Variants in AKR1C1 observed in about 807,000 individuals in gnomAD.
AKR1C1 encodes the protein aldo-keto reductase family 1 member C1.
In AKR1C1, 32 loss-of-function variants were observed where a neutral mutation model predicts 40.6. That is an observed-to-expected ratio of 0.79 (90% CI 0.60 to 1.06). The LOEUF is 1.06. Among genes scored for constraint, AKR1C1 ranks in the 50% least tolerant of loss-of-function variants. The pLI is 0.00. For synonymous variants in AKR1C1, 105 were observed against 134.2 expected (o/e 0.78, Z 1.50); for missense variants, 320 against 363.5 (o/e 0.88, Z 0.97).
chr10:4,975,548 G>C (rs1554770382), intron 7 of AKR1C1, among the ~76,000 whole-genome samples: 2 of 152,042 alleles, frequency 1.3e-5, no homozygotes, highest in African/African-American at 4.8e-5. Context: ...GGGTCTTCTA[G>C]GTACATGACC....
chr10:4,977,613 A>G (rs1836545949), intron 8 of AKR1C1, 87 bp from the exon 9 acceptor site: 1 of 1,532,216 alleles, frequency 6.5e-7, no homozygotes, highest in Admixed American at 1.8e-5. Context: ...CATCTACACT[A>G]GCGGCAGCTT....
At position 4,966,017 on chromosome 10, in the gene AKR1C1, T is replaced by C; in HGVS notation, c.188T>C (p.Leu63Pro). The change falls in exon 2 of 9, where the codon CTG becomes CCG. Residue 63 changes from leucine to proline, a missense_variant. By Grantham distance (98) the Leu-to-Pro change is moderately conservative (BLOSUM62 -3). This residue lies in a region of AKR1C1 where 214 missense variants were observed against 214.8 expected (regional missense o/e 1.00). Coordinates refer to ENST00000380872, the MANE Select transcript of AKR1C1 (RefSeq NM_001353.6). ...TACAATAATGAGGAGCAGGTTGGACTGGCCATCCGAAGCAAGATTGCAGAT... is the reference window on the plus strand; with the variant it reads ...TACAATAATGAGGAGCAGGTTGGACCGGCCATCCGAAGCAAGATTGCAGAT... ...HLYNNEEQVG[L>P]AIRSKIADGS... 1 of 1,614,238 alleles carries C rather than the reference T, an allele frequency of 6.2e-7. No homozygotes were observed. Among genetic ancestry groups the C allele is most frequent in the Non-Finnish European group, 8.5e-7 (1 of 1,180,028 alleles).
At chr10:4,977,364 A>C (rs1474318623) in intron 8 of AKR1C1, among the ~76,000 whole-genome samples, 1 of 152,240 alleles carries the variant, frequency 6.6e-6, no homozygotes, top group African/African-American at 2.4e-5. Context: ...AATGTAAGGC[A>C]GTATAGTTCC....
chr10:4,979,069 A>T lies in AKR1C1; in HGVS notation c.*1327A>T, dbSNP rs1836573185. On this transcript the variant is annotated 3_prime_UTR_variant, in exon 9 of 9. Transcript: ENST00000380872. ...CTCCACTATTCGTACTCTGGTAGCC[A>T]TGTTAACCCCATCAGAGATTCCTTC... 6.6e-6 allele frequency: 1 copy of T among 152,200 alleles called. No homozygotes were observed. Among genetic ancestry groups the T allele is most frequent in the South Asian group, 2.1e-4 (1 of 4,834 alleles). The allele number at this position is 152,200 out of a possible 1,614,324, so 9.4% of individuals were successfully genotyped here.
chr10:4,976,661 T>C (rs1160305772), intron 8 of AKR1C1, among the ~76,000 whole-genome samples: 1 of 152,216 alleles, frequency 6.6e-6, no homozygotes, highest in Non-Finnish European at 1.5e-5. Context: ...AACAGAAGTT[T>C]ACTATTCCTC....
rs559290800 is a variant in AKR1C1, at chr10:4,972,572, C to T, written c.681-12C>T. The T allele has an allele frequency of 5.6e-6, 9 of 1,613,568 alleles. No individual in the cohort carries two copies. In the East Asian group the frequency reaches 1.6e-4, roughly 28 times the overall value. On this transcript the variant is annotated splice_polypyrimidine_tract_variant and intron_variant, in intron 6 of 8. Transcript: ENST00000380872. ...AGCCTCAGGGCCTCAGCCTTTCTGC[C>T]TTTCCTTCCAGGGTGGACCCGAACT...
At chr10:4,965,819 G>A (rs778983887) in intron 1 of AKR1C1, 95 bp from the exon 2 acceptor site, 26 of 1,439,910 alleles carry the variant, frequency 1.8e-5, no homozygotes, top group Non-Finnish European at 2.4e-5. Flanking sequence ...TCCAAGAAAG[G>A]AGGAAAAGCT....
chr10:4,968,132 T>G (rs900147605), intron 3 of AKR1C1, 177 bp from the exon 4 acceptor site: 1 of 1,090,412 alleles, frequency 9.2e-7, no homozygotes, highest in Non-Finnish European at 1.3e-6. Context: ...AGAGGGAGCC[T>G]GTCACCTGAA....
chr10:4,966,685 CA>C (rs1218923365), intron 2 of AKR1C1, among the ~76,000 whole-genome samples: 1 of 152,184 alleles, frequency 6.6e-6, no homozygotes, highest in South Asian at 2.1e-4. Flanking sequence ...GATTTGATAA[CA>C]ACTTTTACCT....
chr10:4,977,367 A>G (rs1379241709), intron 8 of AKR1C1, among the ~76,000 whole-genome samples: 1 of 152,258 alleles, frequency 6.6e-6, no homozygotes, highest in African/African-American at 2.4e-5. Flanking sequence ...GTAAGGCAGT[A>G]TAGTTCCATT....
At chr10:4,970,316 CT>C (rs1398839910) in intron 5 of AKR1C1, among the ~76,000 whole-genome samples, 3 of 152,112 alleles carry the variant, frequency 2.0e-5, no homozygotes, top group African/African-American at 7.2e-5. Context: ...TGTAGCTCTT[CT>C]TTTTTTAACC....
Position 4,965,961 on chromosome 10 carries a change from T to C in AKR1C1, c.132T>C (p.Ala44=), listed in dbSNP as rs1138573. The C allele has an allele frequency of 2.5e-6, 4 of 1,614,204 alleles. No homozygotes were observed. The East Asian group carries it at 6.7e-5, about 27-fold the overall frequency. Residue 44 remains alanine, a synonymous_variant, in exon 2 of 9, where the codon GCT becomes GCC. Coordinates refer to ENST00000380872, the MANE Select transcript of AKR1C1 (RefSeq NM_001353.6). Reference sequence around the variant, plus strand: ...AGGCCACCAAATTGGCAATTGAAGCTGGCTTCCGCCATATTGATTCTGCTC... The same window carrying C: ...AGGCCACCAAATTGGCAATTGAAGCCGGCTTCCGCCATATTGATTCTGCTC... ...ALEATKLAIE[A]GFRHIDSAHL...
rs112698330 is a variant in AKR1C1 at position 4,979,204 on chromosome 10, G to A, written c.*1462G>A. 25 of 152,226 alleles carry A rather than the reference G, an allele frequency of 1.6e-4. No homozygotes were observed. The highest frequency in any genetic ancestry group is 5.8e-4 in the African/African-American group (24 of 41,532). The allele number at this position is 152,226 out of a possible 1,614,324, so 9.4% of individuals were successfully genotyped here. A position where few individuals can be genotyped will look rare whatever the true frequency, so the allele number is the denominator to read the frequency against. ...TGGAGTAGGCCATAAACTTTGGAGG[G>A]CCCTAGACCAATTTTTTGGATTATT... is the stretch of plus-strand genomic sequence containing the variant. On this transcript the variant is annotated 3_prime_UTR_variant, in exon 9 of 9. Transcript: ENST00000380872.
rs570924786 is a variant in AKR1C1, at chr10:4,966,165, A to T, written c.252+84A>T. 408 of 1,525,048 alleles carry T rather than the reference A, an allele frequency of 2.7e-4. 1 individual carries two copies. The highest frequency in any genetic ancestry group is 1.8e-3 in the East Asian group (77 of 43,576). The allele number at this position is 1,525,048 out of a possible 1,614,324, so 94.5% of individuals were successfully genotyped here. A position where few individuals can be genotyped will look rare whatever the true frequency, so the allele number is the denominator to read the frequency against. ...GCAGTTCTATGACTGGATCCATAGT[A>T]TAGGGTGAATTGTGCTTATTTATTA... On this transcript the variant is annotated intron_variant, in intron 2 of 8. Coordinates refer to ENST00000380872, the MANE Select transcript of AKR1C1 (RefSeq NM_001353.6).
chr10:4,969,572 C>G, intron 5 of AKR1C1: 2 of 1,294,792 alleles, frequency 1.5e-6, no homozygotes, highest in Admixed American at 2.0e-5. Flanking sequence ...GAACATGGAG[C>G]TGACCTATGA....
In AKR1C1 at chr10:4,967,006, T is replaced by G; in HGVS notation, c.332T>G (p.Val111Gly). ...RSLKNLQLDYVDLYLIHFPVS... is the reference protein window; with the variant it reads ...RSLKNLQLDYGDLYLIHFPVS... ...CTGAAAAATCTTCAATTGGATTATG[T>G]TGACCTCTACCTTATTCATTTTCCA... is the stretch of plus-strand genomic sequence containing the variant. Residue 111 changes from valine (V) to glycine (G), a missense_variant, in exon 3 of 9, where the codon GTT (valine) becomes GGT (glycine). Val to Gly is a moderately radical substitution (Grantham distance 109, BLOSUM62 -3). Coordinates refer to ENST00000380872, the MANE Select transcript of AKR1C1 (RefSeq NM_001353.6). 6.2e-7 allele frequency: 1 copy of G among 1,613,956 alleles called. No homozygotes were observed. Among genetic ancestry groups the G allele is most frequent in the Non-Finnish European group, 8.5e-7 (1 of 1,179,828 alleles).
intron 5 of AKR1C1, among the ~76,000 whole-genome samples, 162 bp downstream of exon 5, chr10:4,969,106 G>C (rs74111915): frequency 6.6e-6 from 1 of 152,126 alleles, no homozygotes; most frequent in Non-Finnish European, 1.5e-5. Flanking sequence ...ACTTGTACCC[G>C]GCTTAGAAAA....
intron 5 of AKR1C1, among the ~76,000 whole-genome samples, 187 bp from the exon 6 acceptor site, chr10:4,972,014 A>G (rs1455903672): frequency 3.3e-5 from 5 of 151,094 alleles, no homozygotes; most frequent in East Asian, 1.9e-4. Context: ...GTGCTCAGAA[A>G]TAGCATTTCT....
chr10:4,977,675 T>G (rs1554770618), intron 8 of AKR1C1, 25 bp from the exon 9 acceptor site: 1 of 1,611,986 alleles, frequency 6.2e-7, no homozygotes, highest in Non-Finnish European at 8.5e-7. Flanking sequence ...CCATTCAGAG[T>G]GTGCATTTTT....
Sources: gnomAD v4.1 joint callset for allele counts (sites outside exome capture counted in the v4.1 genomes callset) on GRCh38, gnomAD v4.1.1 for gene constraint, gnomAD v4.1.1 regional missense constraint, MANE v1.5 for transcripts, NCBI Gene and HGNC (gene_info 2026-07-23, HGNC 2026-07-21) for gene names.